Variants in KCNMA1 observed in about 807,000 individuals in gnomAD.
KCNMA1 encodes the protein potassium calcium-activated channel subfamily M alpha 1, also known as Calcium-activated potassium channel subunit alpha-1.
KCNMA1 carries 29 observed loss-of-function variants against 140.0 expected under a neutral mutation model. The observed-to-expected ratio is 0.21, with a 90% confidence interval of 0.15 to 0.28. The LOEUF (loss-of-function observed/expected upper bound fraction) is 0.28, where lower values mean the gene tolerates loss of function less well. Ranked by LOEUF, KCNMA1 falls within the 10% of genes least tolerant of loss-of-function variation. The pLI, the probability that KCNMA1 is intolerant of heterozygous loss-of-function variation, is 1.00. For missense variants in KCNMA1, 880 were observed against 1,602.2 expected, an observed-to-expected ratio of 0.55 and a Z score of 7.70; for synonymous variants, 612 against 611.9, an observed-to-expected ratio of 1.00 and a Z score of 0.00.
In KCNMA1 at chr10:77,090,474, A is replaced by T; in HGVS notation, c.1260T>A (p.Ser420Arg). The change falls in exon 10 of 28, where the codon AGT becomes AGA. Residue 420 changes from serine to arginine, a missense_variant. Ser to Arg is a moderately radical substitution (Grantham distance 110). Transcript: ENST00000286628. ...GAAAGTCCTTCAGGAAGTTGGAAAC[A>T]CTCTCCAGAGTGATGTGTCCGCAGA... ...IVVCGHITLE[S>R]VSNFLKDFLH... 1.2e-6 allele frequency: 2 copies of T among 1,614,000 alleles called. No individual in the cohort carries two copies. Among genetic ancestry groups the T allele is most frequent in the Non-Finnish European group, 1.7e-6 (2 of 1,179,914 alleles).
At chr10:77,565,983 T>C (rs1479404952) in intron 1 of KCNMA1, among the ~76,000 whole-genome samples, 1 of 146,256 alleles carries the variant, frequency 6.8e-6, no homozygotes, top group Non-Finnish European at 1.5e-5. Flanking sequence ...AGGCAGTTGC[T>C]GTGCCTCCAC....
chr10:76,926,941 C>T (rs897099593), intron 23 of KCNMA1, among the ~76,000 whole-genome samples: 8 of 152,170 alleles, frequency 5.3e-5, no homozygotes, highest in African/African-American at 1.9e-4. Context: ...ATCCTCCCTC[C>T]AGGAGCCCTG....
intron 5 of KCNMA1, among the ~76,000 whole-genome samples, chr10:77,121,715 AT>A (rs2097601409): frequency 6.6e-6 from 1 of 152,212 alleles, no homozygotes. Flanking sequence ...AAAAAGAAGC[AT>A]CAGTGTTTAG....
rs558478983 is a variant in KCNMA1, at chr10:77,572,337, C to T, written c.378+64928G>A. On this transcript the variant is annotated intron_variant, in intron 1 of 27. Coordinates refer to ENST00000286628, the MANE Select transcript of KCNMA1 (RefSeq NM_001161352.2). ...AAGGCTTCATAGCCATCACTCAGTT[C>T]GTCCTCACAAAAGCCCTCAAAAGTG... Among the ~76,000 whole-genome samples, 6 of 151,678 alleles carry T rather than the reference C, an allele frequency of 4.0e-5. No individual in the cohort carries two copies. The South Asian group carries it at 1.0e-3, about 26-fold the overall frequency.
At chr10:77,447,069 G>A (rs183955071) in intron 1 of KCNMA1, among the ~76,000 whole-genome samples, 7 of 152,312 alleles carry the variant, frequency 4.6e-5, no homozygotes, top group Admixed American at 4.6e-4. Flanking sequence ...AGACGGCTTT[G>A]CAAACAGCCC....
intron 20 of KCNMA1, among the ~76,000 whole-genome samples, chr10:76,957,540 C>T (rs552913263): frequency 1.5e-4 from 23 of 152,162 alleles, no homozygotes; most frequent in Non-Finnish European, 3.1e-4. Context: ...TTGCCCAAGA[C>T]AGTGGGTTTT....
intron 20 of KCNMA1, among the ~76,000 whole-genome samples, chr10:76,955,685 C>T (rs2067981296): frequency 6.6e-6 from 1 of 152,148 alleles, no homozygotes; most frequent in African/African-American, 2.4e-5. Flanking sequence ...GATAAAAAGG[C>T]TGATAAGAAC....
intron 19 of KCNMA1, among the ~76,000 whole-genome samples, chr10:76,990,715 C>T (rs2082492542): frequency 6.6e-6 from 1 of 152,148 alleles, no homozygotes; most frequent in Non-Finnish European, 1.5e-5. Context: ...TTGAAGCATC[C>T]CTGCTGGATA....
intron 2 of KCNMA1, among the ~76,000 whole-genome samples, chr10:77,301,046 C>A (rs1249404194): frequency 1.3e-5 from 2 of 152,190 alleles, no homozygotes; most frequent in Non-Finnish European, 2.9e-5. Context: ...CTGTCCCCAC[C>A]TCCATCTGAT....
chr10:77,166,414 T>C (rs986295910), intron 5 of KCNMA1, among the ~76,000 whole-genome samples: 1 of 152,128 alleles, frequency 6.6e-6, no homozygotes, highest in African/African-American at 2.4e-5. Flanking sequence ...GCAACAGATG[T>C]GGTAAGAAGG....
At chr10:77,506,644 GGAGAGA>G (rs36130333) in intron 1 of KCNMA1, among the ~76,000 whole-genome samples, 4 of 37,864 alleles carry the variant, frequency 1.1e-4, no homozygotes, top group Admixed American at 2.8e-4. Context: ...AGACAGAGAG[GGAGAGA>G]GAGAGAGAGA....
At chr10:77,536,702 T>C (rs2058971221) in intron 1 of KCNMA1, among the ~76,000 whole-genome samples, 1 of 152,186 alleles carries the variant, frequency 6.6e-6, no homozygotes, top group Admixed American at 6.5e-5. Context: ...CGCACTCTGA[T>C]ATGTCTGTCA....
At chr10:77,436,337 T>A (rs1278041565) in intron 1 of KCNMA1, among the ~76,000 whole-genome samples, 2 of 152,228 alleles carry the variant, frequency 1.3e-5, no homozygotes, top group East Asian at 1.9e-4. Flanking sequence ...GAATTGGAGT[T>A]GACTATTTAT....
intron 1 of KCNMA1, among the ~76,000 whole-genome samples, chr10:77,525,884 G>C (rs916541263): frequency 6.6e-6 from 1 of 152,152 alleles, no homozygotes; most frequent in African/African-American, 2.4e-5. Context: ...CAGCTGGTGG[G>C]TCCTGTCTAG....
intron 1 of KCNMA1, among the ~76,000 whole-genome samples, chr10:77,483,210 T>C (rs2098422028): frequency 6.6e-6 from 1 of 152,186 alleles, no homozygotes; most frequent in African/African-American, 2.4e-5. Context: ...TTCTTTTTAA[T>C]TGGCAGCGCC....
At chr10:77,190,406 A>G (rs1160095408) in intron 3 of KCNMA1, among the ~76,000 whole-genome samples, 1 of 152,188 alleles carries the variant, frequency 6.6e-6, no homozygotes, top group Non-Finnish European at 1.5e-5. Flanking sequence ...ATATCCAATC[A>G]AGACCCTGCA....
At chr10:77,421,284 A>G (rs965990196) in intron 1 of KCNMA1, among the ~76,000 whole-genome samples, 3 of 152,222 alleles carry the variant, frequency 2.0e-5, no homozygotes, top group African/African-American at 7.2e-5. Flanking sequence ...CTCCCCAGGA[A>G]GCCTTTCCTA....
intron 1 of KCNMA1, among the ~76,000 whole-genome samples, chr10:77,508,581 C>CTTTTTTTTTTTTTTTTTTTT (rs761735012): frequency 4.0e-5 from 4 of 99,872 alleles, no homozygotes; most frequent in African/African-American, 4.3e-5. Flanking sequence ...TTTTTCTTTT[C>CTTTTTTTTTTTTTTTTTTTT]TTTTTTTTTT....
intron 21 of KCNMA1, among the ~76,000 whole-genome samples, chr10:76,951,642 T>G (rs926454384): frequency 3.9e-5 from 6 of 152,206 alleles, no homozygotes; most frequent in African/African-American, 1.4e-4. Context: ...AGCATCCTCA[T>G]GTAGCTGGCC....
Sources: allele counts gnomAD v4.1 joint callset (sites outside exome capture counted in the v4.1 genomes callset), GRCh38; gene constraint gnomAD v4.1.1; transcripts MANE v1.5; gene names NCBI Gene and HGNC (gene_info 2026-07-23, HGNC 2026-07-21).